The following ZFAT variants were observed in gnomAD, a reference collection of about 807,000 sequenced individuals.
ZFAT encodes the protein zinc finger and AT-hook domain containing, also known as zinc finger protein ZFAT.
A neutral mutation model predicts 117.7 loss-of-function variants in ZFAT; 64 were observed. The observed-to-expected ratio is 0.54, with a 90% confidence interval of 0.44 to 0.67. ZFAT has a LOEUF of 0.67. ZFAT is among the 30% of genes least tolerant of loss of function. ZFAT has a pLI of 0.00. For synonymous variants in ZFAT, 679 were observed against 615.0 expected (o/e 1.10, Z -1.54); for missense variants, 1,433 against 1,584.5 (o/e 0.90, Z 1.62).
chr8:134,550,091 C>T (rs143609673), intron 11 of ZFAT, among the ~76,000 whole-genome samples: 113 of 152,220 alleles, frequency 7.4e-4, no homozygotes, highest in African/African-American at 2.6e-3. Flanking sequence ...CTCCTTTTCC[C>T]AGTGGCCAAG....
the ZFAT span, among the ~76,000 whole-genome samples, chr8:134,824,934 A>T: frequency 2.0e-5 from 3 of 152,250 alleles, no homozygotes; most frequent in Non-Finnish European, 4.4e-5. Flanking sequence ...AAGGCATAGA[A>T]TGTAACTGGC....
At chr8:134,729,818 C>G in the ZFAT span, among the ~76,000 whole-genome samples, 1 of 152,168 alleles carries the variant, frequency 6.6e-6, no homozygotes, top group South Asian at 2.1e-4. Context: ...GTCTTGGTTT[C>G]CCCGTTTGTA....
intron 15 of ZFAT, among the ~76,000 whole-genome samples, chr8:134,492,333 G>A (rs904700480): frequency 4.6e-5 from 7 of 152,168 alleles, no homozygotes; most frequent in African/African-American, 4.8e-5. Context: ...AAAGGAAAGC[G>A]TGCAATTCAT....
At chr8:134,502,059 G>A (rs184125780) in intron 15 of ZFAT, among the ~76,000 whole-genome samples, 1 of 152,174 alleles carries the variant, frequency 6.6e-6, no homozygotes, top group Non-Finnish European at 1.5e-5. Context: ...AGAATAGAGC[G>A]CTTGTTTTTA....
the ZFAT span, chr8:134,792,531 T>C: frequency 6.6e-6 from 1 of 152,234 alleles, no homozygotes; most frequent in Admixed American, 6.5e-5. Flanking sequence ...AAATAAAATT[T>C]CTAGCAGTAA....
chr8:134,493,841 G>C (rs1818231885), intron 15 of ZFAT, among the ~76,000 whole-genome samples: 1 of 152,234 alleles, frequency 6.6e-6, no homozygotes, highest in Middle Eastern at 3.4e-3. Flanking sequence ...ATGGCACCCA[G>C]CTTATAGTAG....
At chr8:134,678,485 A>G (rs1213442172) in intron 1 of ZFAT, among the ~76,000 whole-genome samples, 1 of 152,244 alleles carries the variant, frequency 6.6e-6, no homozygotes, top group African/African-American at 2.4e-5. Flanking sequence ...AGGAAGAATC[A>G]ATATTGTGAA....
intron 1 of ZFAT, among the ~76,000 whole-genome samples, chr8:134,658,356 A>G (rs1831749905): frequency 6.6e-6 from 1 of 151,836 alleles, no homozygotes; most frequent in African/African-American, 2.4e-5. Flanking sequence ...AAAAATTTGC[A>G]ACTTAAAAAA....
intron 3 of ZFAT, among the ~76,000 whole-genome samples, chr8:134,615,259 T>A (rs1828633811): frequency 6.6e-6 from 1 of 152,196 alleles, no homozygotes; most frequent in South Asian, 2.1e-4. Context: ...CGATCTTGGC[T>A]GACTGCAACC....
At chr8:134,530,553 C>T (rs1821331200) in intron 12 of ZFAT, among the ~76,000 whole-genome samples, 1 of 152,180 alleles carries the variant, frequency 6.6e-6, no homozygotes, top group Non-Finnish European at 1.5e-5. Context: ...CGGCGCATGG[C>T]CTCTTAAGAG....
At chr8:134,720,404 A>C in the ZFAT span, among the ~76,000 whole-genome samples, 7 of 152,162 alleles carry the variant, frequency 4.6e-5, no homozygotes, top group Non-Finnish European at 7.3e-5. Context: ...CATTTGGGGG[A>C]AGGATGTAGT....
At chr8:134,637,900 T>C (rs976350340) in intron 2 of ZFAT, among the ~76,000 whole-genome samples, 188 bp from the exon 3 acceptor site, 1 of 152,264 alleles carries the variant, frequency 6.6e-6, no homozygotes, top group Non-Finnish European at 1.5e-5. Flanking sequence ...ATCTGTGTAC[T>C]AATGGGTAAT....
intron 1 of ZFAT, among the ~76,000 whole-genome samples, chr8:134,660,977 G>A (rs1277667972): frequency 2.0e-5 from 3 of 152,246 alleles, no homozygotes; most frequent in African/African-American, 7.2e-5. Context: ...AGCTCTCTCA[G>A]GCAGGGAAAC....
intron 11 of ZFAT, among the ~76,000 whole-genome samples, chr8:134,548,341 G>GTGGC (rs1158767537): frequency 6.6e-6 from 1 of 152,214 alleles, no homozygotes; most frequent in Non-Finnish European, 1.5e-5. Flanking sequence ...GAAGCCCCGT[G>GTGGC]TGGCTACCTG....
rs538173089 is a variant in ZFAT at position 134,586,373 on chromosome 8, C to T, written c.2713+1873G>A. Among the ~76,000 whole-genome samples the T allele has an allele frequency of 2.3e-4, 35 of 152,324 alleles. No individual in the cohort carries two copies. In the East Asian group the frequency reaches 5.6e-3, roughly 24 times the overall value. ...ACTGAGGGCTTTACATAAATTATCT[C>T]GTTGATCCTTCTAACAAATCCCAAA... On this transcript the variant is annotated intron_variant, in intron 9 of 15. Coordinates refer to ENST00000377838, the MANE Select transcript of ZFAT (RefSeq NM_020863.4).
the ZFAT span, chr8:134,766,870 A>T: frequency 6.6e-6 from 1 of 152,234 alleles, no homozygotes; most frequent in African/African-American, 2.4e-5. Context: ...TTTAGCCATG[A>T]CACCACAGCC....
intron 11 of ZFAT, among the ~76,000 whole-genome samples, chr8:134,561,075 T>C (rs892675444): frequency 3.3e-5 from 5 of 152,238 alleles, no homozygotes; most frequent in African/African-American, 9.6e-5. Flanking sequence ...GTTTTATAGC[T>C]ATTTAGATTT....
chr8:134,786,806 C>G, the ZFAT span, among the ~76,000 whole-genome samples: 1 of 150,920 alleles, frequency 6.6e-6, no homozygotes, highest in African/African-American at 2.4e-5. Context: ...TAATTTTATC[C>G]GTTTTCATGC....
intron 15 of ZFAT, among the ~76,000 whole-genome samples, chr8:134,489,016 G>T (rs1214626418): frequency 7.2e-6 from 1 of 138,162 alleles, no homozygotes; most frequent in African/African-American, 2.8e-5. Context: ...GGGTGGGGAA[G>T]AGATGAAACA....
Sources: allele counts gnomAD v4.1 joint callset (sites outside exome capture counted in the v4.1 genomes callset), GRCh38; gene constraint gnomAD v4.1.1; transcripts MANE v1.5; gene names NCBI Gene and HGNC (gene_info 2026-07-23, HGNC 2026-07-21).